SGMS2: variants seen among roughly 807,000 people sequenced by gnomAD.
SGMS2 encodes sphingomyelin synthase 2.
A neutral mutation model predicts 43.8 loss-of-function variants in SGMS2; 21 were observed. The ratio of observed to expected loss-of-function variants is 0.48; its 90% confidence interval spans 0.34 to 0.69. The LOEUF (loss-of-function observed/expected upper bound fraction) is 0.69, where lower values mean the gene tolerates loss of function less well. Ranked by LOEUF, SGMS2 falls within the 30% of genes least tolerant of loss-of-function variation. The pLI is 0.01. For synonymous variants in SGMS2, 167 were observed against 160.6 expected, an observed-to-expected ratio of 1.04 and a Z score of -0.30; for missense variants, 384 against 443.2, an observed-to-expected ratio of 0.87 and a Z score of 1.20.
In SGMS2 at chr4:107,913,348, T is replaced by G. The variant is rs561142652; in HGVS notation, c.*2795T>G. The G allele has an allele frequency of 6.6e-6, 1 of 152,260 alleles. No individual in the cohort carries two copies. The highest frequency in any genetic ancestry group is 2.1e-4 in the South Asian group (1 of 4,822). 9.4% of individuals were successfully genotyped at this position (152,260 alleles called of 1,614,324 possible). A position where few individuals can be genotyped will look rare whatever the true frequency, so the allele number is the denominator to read the frequency against. On this transcript the variant is annotated 3_prime_UTR_variant, in exon 7 of 7. Coordinates refer to ENST00000690982, the MANE Select transcript of SGMS2 (RefSeq NM_001375905.1). ...CTTTCCTGAGTCCACTTGAACTAATTGTGAATTTGTTACTTAATTTACTGG... is the reference window on the plus strand; with the variant it reads ...CTTTCCTGAGTCCACTTGAACTAATGGTGAATTTGTTACTTAATTTACTGG...
chr4:107,885,148 A>G (rs1317748760), intron 2 of SGMS2, among the ~76,000 whole-genome samples: 2 of 152,086 alleles, frequency 1.3e-5, no homozygotes, highest in Non-Finnish European at 2.9e-5. Context: ...AAAGTTAAAG[A>G]TCTCTATAGA....
chr4:107,859,100 C>T (rs1272232571), intron 2 of SGMS2, among the ~76,000 whole-genome samples: 1 of 152,180 alleles, frequency 6.6e-6, no homozygotes, highest in Non-Finnish European at 1.5e-5. Context: ...AGCAGTACAA[C>T]TCAATTCACT....
rs571343146 is a variant in SGMS2, at chr4:107,910,839, T to C, written c.*286T>C. ...GAGGTGCCAAAGAACATATTCCTCC[T>C]TTCTTTATTCTTTCTCCACCAAAAC... On this transcript the variant is annotated 3_prime_UTR_variant, in exon 7 of 7. Transcript: ENST00000690982. 2.0e-5 allele frequency: 6 copies of C among 294,498 alleles called. 1 individual carries two copies. The South Asian group carries it at 4.0e-4, about 20-fold the overall frequency. The allele number at this position is 294,498 out of a possible 1,614,324, so 18.2% of individuals were successfully genotyped here.
At chr4:107,882,383 T>G (rs1416296591) in intron 2 of SGMS2, among the ~76,000 whole-genome samples, 2 of 152,226 alleles carry the variant, frequency 1.3e-5, no homozygotes, top group African/African-American at 4.8e-5. Context: ...ACTTTTCATA[T>G]AGCTGTTTGC....
At chr4:107,898,865 TGTG>T (rs1280191860) in intron 3 of SGMS2, among the ~76,000 whole-genome samples, 2 of 152,182 alleles carry the variant, frequency 1.3e-5, no homozygotes, top group African/African-American at 4.8e-5. Context: ...AAAAATGACT[TGTG>T]GGATTTTTTT....
At chr4:107,875,197 ACATGCACATGTCTGTT>A (rs1247011895) in intron 2 of SGMS2, among the ~76,000 whole-genome samples, 2 of 152,230 alleles carry the variant, frequency 1.3e-5, no homozygotes, top group Admixed American at 1.3e-4. Flanking sequence ...TTATAAAGAC[ACATGCACATGTCTGTT>A]CATTGTAGCC....
At chr4:107,898,066 C>T (rs1418743432) in intron 3 of SGMS2, among the ~76,000 whole-genome samples, 2 of 152,162 alleles carry the variant, frequency 1.3e-5, no homozygotes, top group Non-Finnish European at 2.9e-5. Flanking sequence ...CAATTCAAAA[C>T]AGCACTCTGT....
chr4:107,886,207 T>G (rs13113440), intron 2 of SGMS2, among the ~76,000 whole-genome samples: 58,393 of 151,382 alleles, frequency 0.39, 12,001 homozygotes, highest in East Asian at 0.72. Context: ...TGTTGTTTTT[T>G]TTTTTTCTTG....
At chr4:107,824,669 A>G (rs1287401910), upstream of SGMS2, 1 of 152,018 alleles carries the variant, frequency 6.6e-6, no homozygotes, top group Non-Finnish European at 1.5e-5. Context: ...TGCACCTTAA[A>G]CAGCCGCGAG....
At chr4:107,879,348 A>G (rs1414616808) in intron 2 of SGMS2, among the ~76,000 whole-genome samples, 1 of 152,202 alleles carries the variant, frequency 6.6e-6, no homozygotes, top group East Asian at 1.9e-4. Context: ...CTGCAAAAGT[A>G]GTGCTCAGCT....
chr4:107,885,391 TG>T (rs1309778393), intron 2 of SGMS2, among the ~76,000 whole-genome samples: 1 of 152,180 alleles, frequency 6.6e-6, no homozygotes, highest in Admixed American at 6.6e-5. Context: ...ATCCAATTGA[TG>T]TTGCAAGGGA....
intron 1 of SGMS2, among the ~76,000 whole-genome samples, chr4:107,838,320 T>A (rs181934343): frequency 1.8e-4 from 28 of 152,298 alleles, no homozygotes; most frequent in Admixed American, 1.4e-3. Context: ...TGTTGAGCAT[T>A]TTTAGAGAAG....
Position 107,911,792 on chromosome 4 carries a change from G to A in SGMS2, c.*1239G>A, listed in dbSNP as rs1480553019. On this transcript the variant is annotated 3_prime_UTR_variant, in exon 7 of 7. Transcript: ENST00000690982. ...ATAACTGTTTCTAAATTTCTTTAAG[G>A]TGATGCCAAAAAATGGATTAAAAAA... is the stretch of plus-strand genomic sequence containing the variant. The A allele has an allele frequency of 1.3e-5, 2 of 151,134 alleles. No individual in the cohort carries two copies. Among genetic ancestry groups the A allele is most frequent in the African/African-American group, 4.8e-5 (2 of 41,334 alleles). The allele number at this position is 151,134 out of a possible 1,614,324, so 9.4% of individuals were successfully genotyped here.
At chr4:107,876,585 G>A (rs17563270) in intron 2 of SGMS2, among the ~76,000 whole-genome samples, 56,723 of 152,066 alleles carry the variant, frequency 0.37, 11,340 homozygotes, top group Non-Finnish European at 0.45. Flanking sequence ...TTTTGAAATG[G>A]TATGAAATAT....
intron 2 of SGMS2, among the ~76,000 whole-genome samples, chr4:107,861,522 A>T (rs1727729293): frequency 6.6e-6 from 1 of 152,152 alleles, no homozygotes; most frequent in Admixed American, 6.5e-5. Flanking sequence ...TTGGAGAGTG[A>T]TTCAACCCCC....
At chr4:107,834,777 C>CTG (rs1415046001) in intron 1 of SGMS2, among the ~76,000 whole-genome samples, 1 of 152,188 alleles carries the variant, frequency 6.6e-6, no homozygotes, top group African/African-American at 2.4e-5. Flanking sequence ...TTGCTCATGC[C>CTG]TGTAATCCCA....
At position 107,913,525 on chromosome 4, in the gene SGMS2, A is replaced by C. The variant is rs1162019060; in HGVS notation, c.*2972A>C. On this transcript the variant is annotated 3_prime_UTR_variant, in exon 7 of 7. Coordinates refer to ENST00000690982, the MANE Select transcript of SGMS2 (RefSeq NM_001375905.1). ...ATATACTTTATGACTTGGAATGCAA[A>C]CACCACTTTTAAAAGCCTGTTTTCA... The C allele has an allele frequency of 6.6e-6, 1 of 152,188 alleles. No individual in the cohort carries two copies. Among genetic ancestry groups the C allele is most frequent in the Non-Finnish European group, 1.5e-5 (1 of 68,030 alleles). The allele number at this position is 152,188 out of a possible 1,614,324, so 9.4% of individuals were successfully genotyped here.
chr4:107,908,498 G>A (rs1305193851), intron 5 of SGMS2, 67 bp from the exon 6 acceptor site: 20 of 1,493,288 alleles, frequency 1.3e-5, no homozygotes, highest in Non-Finnish European at 1.8e-5. Context: ...AGGTCGTTAG[G>A]ACAGACTGTA....
intron 2 of SGMS2, among the ~76,000 whole-genome samples, chr4:107,878,639 A>G (rs1426341408): frequency 1.3e-5 from 2 of 152,100 alleles, no homozygotes; most frequent in African/African-American, 4.8e-5. Context: ...TTCACCTTAC[A>G]GCATTTTCCA....
Sources: allele counts gnomAD v4.1 joint callset (sites outside exome capture counted in the v4.1 genomes callset), GRCh38; gene constraint gnomAD v4.1.1; transcripts MANE v1.5; gene names NCBI Gene and HGNC (gene_info 2026-07-23, HGNC 2026-07-21).